SLC24A3: variants seen among roughly 807,000 people sequenced by gnomAD.
SLC24A3 encodes sodium/potassium/calcium exchanger 3.
A neutral mutation model predicts 75.8 loss-of-function variants in SLC24A3; 28 were observed. The ratio of observed to expected loss-of-function variants is 0.37; its 90% CI spans 0.27 to 0.51. The LOEUF is 0.51. Among genes scored for constraint, SLC24A3 ranks in the 20% least tolerant of loss-of-function variants. SLC24A3 has a pLI of 0.94. For missense variants in SLC24A3, 663 were observed against 847.8 expected, an observed-to-expected ratio of 0.78 and a Z score of 2.71; for synonymous variants, 372 against 334.1, an observed-to-expected ratio of 1.11 and a Z score of -1.24.
At chr20:19,472,108 G>A (rs57128031) in intron 2 of SLC24A3, among the ~76,000 whole-genome samples, 3,630 of 152,314 alleles carry the variant, frequency 0.024, 139 homozygotes, top group African/African-American at 0.083. Context: ...ATCCCTGGAA[G>A]GATCCACTGG....
chr20:19,217,386 A>G (rs957742369), intron 1 of SLC24A3, among the ~76,000 whole-genome samples: 28 of 152,322 alleles, frequency 1.8e-4, no homozygotes, highest in African/African-American at 3.6e-4. Flanking sequence ...GACATTTCCC[A>G]AGGTGGCTAA....
intron 6 of SLC24A3, among the ~76,000 whole-genome samples, chr20:19,606,746 G>T (rs1467863599): frequency 6.6e-6 from 1 of 152,206 alleles, no homozygotes; most frequent in Non-Finnish European, 1.5e-5. Context: ...TGGCATAGAA[G>T]GATGTCAGAA....
intron 2 of SLC24A3, among the ~76,000 whole-genome samples, chr20:19,404,564 C>T (rs1986609312): frequency 6.6e-6 from 1 of 152,208 alleles, no homozygotes; most frequent in South Asian, 2.1e-4. Context: ...AGCCTTTCTC[C>T]TTCTGTATTT....
intron 2 of SLC24A3, among the ~76,000 whole-genome samples, chr20:19,497,195 C>T (rs1022702060): frequency 6.6e-6 from 1 of 152,210 alleles, no homozygotes; most frequent in Non-Finnish European, 1.5e-5. Flanking sequence ...TGAGTCAGCT[C>T]CCAGCTCATT....
chr20:19,253,203 G>T lies in SLC24A3; in HGVS notation c.143-27756G>T, dbSNP rs1441255883. Among the ~76,000 whole-genome samples, 2 of 152,164 alleles carry T rather than the reference G, an allele frequency of 1.3e-5. 1 individual carries two copies. Among genetic ancestry groups the T allele is most frequent in the Non-Finnish European group, 2.9e-5 (2 of 68,024 alleles). ...GACCTAAAGACTCACATTCTCTAGGGGTTTGTTGGGATGTCCCAGGGCCCT... is the reference window on the plus strand; with the variant it reads ...GACCTAAAGACTCACATTCTCTAGGTGTTTGTTGGGATGTCCCAGGGCCCT... On this transcript the variant is annotated intron_variant, in intron 1 of 16. Coordinates refer to ENST00000328041, the MANE Select transcript of SLC24A3 (RefSeq NM_020689.4).
intron 1 of SLC24A3, among the ~76,000 whole-genome samples, chr20:19,221,434 C>A (rs894189911): frequency 6.6e-6 from 1 of 152,194 alleles, no homozygotes; most frequent in Non-Finnish European, 1.5e-5. Context: ...TCCCTGGAAC[C>A]CAGGTATGCG....
At chr20:19,703,986 A>C (rs6136820) in intron 15 of SLC24A3, among the ~76,000 whole-genome samples, 148 of 152,160 alleles carry the variant, frequency 9.7e-4, no homozygotes, top group African/African-American at 3.5e-3. Flanking sequence ...TGTGTTCAGC[A>C]GTTCTCATCA....
chr20:19,278,701 T>A (rs1225395876), intron 1 of SLC24A3, among the ~76,000 whole-genome samples: 3 of 152,234 alleles, frequency 2.0e-5, no homozygotes, highest in African/African-American at 7.2e-5. Context: ...GGCCGCCATG[T>A]AGAATTTTGT....
At chr20:19,547,922 A>G (rs188586751) in intron 3 of SLC24A3, among the ~76,000 whole-genome samples, 1 of 152,384 alleles carries the variant, frequency 6.6e-6, no homozygotes, top group East Asian at 1.9e-4. Context: ...GTTTAGCAAA[A>G]TAACCAAGTA....
chr20:19,531,735 T>C (rs3790244), intron 3 of SLC24A3, among the ~76,000 whole-genome samples: 22,612 of 152,144 alleles, frequency 0.15, 1,827 homozygotes, highest in Middle Eastern at 0.2. Flanking sequence ...ACATGGCCAC[T>C]GCCTCTGAGG....
chr20:19,642,181 T>A (rs2032083303), intron 6 of SLC24A3, among the ~76,000 whole-genome samples: 1 of 152,240 alleles, frequency 6.6e-6, no homozygotes, highest in South Asian at 2.1e-4. Context: ...CATGACCTCC[T>A]GGAAAACAAG....
At chr20:19,669,061 C>G (rs2122725044) in intron 8 of SLC24A3, among the ~76,000 whole-genome samples, 1 of 152,302 alleles carries the variant, frequency 6.6e-6, no homozygotes, top group South Asian at 2.1e-4. Flanking sequence ...TGCTCAGGGC[C>G]TGGGGTCAGG....
At chr20:19,591,514 A>G (rs1162206151) in intron 6 of SLC24A3, among the ~76,000 whole-genome samples, 1 of 151,932 alleles carries the variant, frequency 6.6e-6, no homozygotes, top group Non-Finnish European at 1.5e-5. Flanking sequence ...TTAATGGCAG[A>G]AAATAGCTGT....
intron 2 of SLC24A3, among the ~76,000 whole-genome samples, chr20:19,306,611 A>G (rs2122253862): frequency 6.6e-6 from 1 of 152,298 alleles, no homozygotes; most frequent in Non-Finnish European, 1.5e-5. Flanking sequence ...CAGAAAACCA[A>G]ATGCTACATG....
chr20:19,528,720 G>A (rs1028005676), intron 3 of SLC24A3, among the ~76,000 whole-genome samples: 1 of 152,140 alleles, frequency 6.6e-6, no homozygotes, highest in Non-Finnish European at 1.5e-5. Context: ...GAAGCCTGAG[G>A]ATTTATTTTT....
At chr20:19,678,599 G>T (rs1399461065) in intron 9 of SLC24A3, among the ~76,000 whole-genome samples, 4 of 134,458 alleles carry the variant, frequency 3.0e-5, no homozygotes, top group Non-Finnish European at 4.8e-5. Context: ...GGGCAGAGGC[G>T]CCCCTCACCT....
chr20:19,375,412 G>A lies in SLC24A3; in HGVS notation c.271+94325G>A, dbSNP rs148864772. Among the ~76,000 whole-genome samples, 581 of 152,240 alleles carry A rather than the reference G, an allele frequency of 3.8e-3. 3 individuals are homozygous for A. Among genetic ancestry groups the A allele is most frequent in the Admixed American group, 8.6e-3 (131 of 15,292 alleles). The stretch of plus-strand genomic sequence containing the variant: ...TTATACACTCCATCATGAACCGCAC[G>A]GATCAGCACTGTGTTTCTTATCATA... On this transcript the variant is annotated intron_variant, in intron 2 of 16. Transcript: ENST00000328041.
At chr20:19,627,755 T>G (rs1264269640) in intron 6 of SLC24A3, among the ~76,000 whole-genome samples, 1 of 152,226 alleles carries the variant, frequency 6.6e-6, no homozygotes, top group African/African-American at 2.4e-5. Context: ...GTTGAGTGAT[T>G]TGTGAAACAT....
At chr20:19,691,700 G>C (rs1027220417) in intron 12 of SLC24A3, among the ~76,000 whole-genome samples, 1 of 152,158 alleles carries the variant, frequency 6.6e-6, no homozygotes, top group African/African-American at 2.4e-5. Flanking sequence ...AGGGTTGGCT[G>C]TGGGGGATAA....
Sources: allele counts gnomAD v4.1 joint callset (sites outside exome capture counted in the v4.1 genomes callset), GRCh38; gene constraint gnomAD v4.1.1; transcripts MANE v1.5; gene names NCBI Gene and HGNC (gene_info 2026-07-23, HGNC 2026-07-21).